Variants in PDE11A observed in about 807,000 individuals in gnomAD.
PDE11A encodes phosphodiesterase 11A.
In PDE11A, 100 loss-of-function variants were observed where a neutral mutation model predicts 100.5. That is an observed-to-expected ratio of 1.00 (90% CI 0.85 to 1.18). The LOEUF (loss-of-function observed/expected upper bound fraction) is 1.18, where lower values mean the gene tolerates loss of function less well. Ranked by LOEUF, PDE11A falls within the 50% of genes most tolerant of loss-of-function variation. PDE11A has a pLI of 0.00. For missense variants in PDE11A, 1,141 were observed against 1,152.6 expected (o/e 0.99, Z 0.15); for synonymous variants, 381 against 420.8 (o/e 0.91, Z 1.16).
At chr2:177,894,251 G>A (rs1278232602) in intron 4 of PDE11A, among the ~76,000 whole-genome samples, 3 of 152,066 alleles carry the variant, frequency 2.0e-5, no homozygotes, top group Non-Finnish European at 4.4e-5. Flanking sequence ...GCCTAGTGTT[G>A]GTAAGTTTTC....
intron 4 of PDE11A, among the ~76,000 whole-genome samples, chr2:177,883,777 T>G (rs937405161): frequency 6.6e-6 from 1 of 151,952 alleles, no homozygotes; most frequent in Admixed American, 6.6e-5. Flanking sequence ...ACTAGCAACT[T>G]TGGAAAGCAG....
chr2:177,996,472 T>C (rs2086076855), intron 2 of PDE11A, among the ~76,000 whole-genome samples: 1 of 148,816 alleles, frequency 6.7e-6, no homozygotes, highest in African/African-American at 2.5e-5. Context: ...TATATACATA[T>C]ATATATATAT....
intron 19 of PDE11A, among the ~76,000 whole-genome samples, chr2:177,661,753 G>A (rs983718657): frequency 4.6e-5 from 7 of 152,166 alleles, no homozygotes; most frequent in African/African-American, 1.7e-4. Flanking sequence ...ACAGCAGCAA[G>A]TATGAATATG....
intron 9 of PDE11A, among the ~76,000 whole-genome samples, chr2:177,815,266 GCTATGAT>G (rs1372858334): frequency 1.4e-4 from 17 of 124,590 alleles, no homozygotes; most frequent in Middle Eastern, 4.0e-3. Context: ...TAGTATTATT[GCTATGAT>G]TTTACGAATA....
intron 5 of PDE11A, among the ~76,000 whole-genome samples, chr2:177,857,276 T>C (rs2083853846): frequency 6.6e-6 from 1 of 151,962 alleles, no homozygotes; most frequent in Non-Finnish European, 1.5e-5. Context: ...CCAGTAGACC[T>C]GTCCTGTAAG....
Position 177,623,535 on chromosome 2 carries a change from C to A in PDE11A, c.*5872G>T, listed in dbSNP as rs531396755. ...AAATAAAATGGCAAAAGCAATTTCC[C>A]CCCAAGGGAATGAGACTCAACAAAA... On this transcript the variant is annotated 3_prime_UTR_variant, in exon 20 of 20. Transcript: ENST00000286063. 2 of 152,272 alleles carry A rather than the reference C, an allele frequency of 1.3e-5. No individual in the cohort carries two copies. The highest frequency in any genetic ancestry group is 4.1e-4 in the South Asian group (2 of 4,834). The allele number at this position is 152,272 out of a possible 1,614,324, so 9.4% of individuals were successfully genotyped here. A position where few individuals can be genotyped will look rare whatever the true frequency, so the allele number is the denominator to read the frequency against.
Position 177,625,567 on chromosome 2 carries a change from G to A in PDE11A, c.*3840C>T, listed in dbSNP as rs1220858768. On this transcript the variant is annotated 3_prime_UTR_variant, in exon 20 of 20. Transcript: ENST00000286063. The stretch of plus-strand genomic sequence containing the variant: ...ATGTCTGAAAAAAATACATCTCATC[G>A]AAAAAGTAGGATGAAGTTATTTCAA... 7.9e-5 allele frequency: 12 copies of A among 152,126 alleles called. No homozygotes were observed. Among genetic ancestry groups the A allele is most frequent in the Admixed American group, 6.5e-4 (10 of 15,276 alleles). 9.4% of individuals were successfully genotyped at this position (152,126 alleles called of 1,614,324 possible).
intron 1 of PDE11A, among the ~76,000 whole-genome samples, chr2:178,032,387 G>C (rs1425910187): frequency 6.6e-6 from 1 of 151,954 alleles, no homozygotes; most frequent in Non-Finnish European, 1.5e-5. Context: ...GAGAGGCTGA[G>C]GCAGGAGAAT....
At chr2:178,027,972 T>C (rs191455371) in intron 1 of PDE11A, among the ~76,000 whole-genome samples, 87 of 152,268 alleles carry the variant, frequency 5.7e-4, no homozygotes, top group Admixed American at 1.5e-3. Flanking sequence ...TTGTAAAAGA[T>C]TGCTGTGAAC....
At chr2:177,858,219 A>G (rs1223108583) in intron 5 of PDE11A, among the ~76,000 whole-genome samples, 1 of 152,100 alleles carries the variant, frequency 6.6e-6, no homozygotes, top group Non-Finnish European at 1.5e-5. Context: ...ACCAAAAGCA[A>G]TGGCAACAGA....
chr2:178,052,894 T>C (rs1444082781), intron 1 of PDE11A, among the ~76,000 whole-genome samples: 2 of 151,914 alleles, frequency 1.3e-5, no homozygotes, highest in African/African-American at 4.8e-5. Context: ...CAAAAAAAAG[T>C]CCAGGACCAG....
chr2:178,082,288 A>G (rs1030367340), intron 2 of PDE11A, among the ~76,000 whole-genome samples: 13 of 152,334 alleles, frequency 8.5e-5, no homozygotes, highest in Middle Eastern at 3.4e-3. Context: ...CTCTCAATAA[A>G]TGTTAGCCAT....
intron 2 of PDE11A, chr2:177,921,679 T>G (rs897163043): frequency 6.6e-6 from 1 of 152,158 alleles, no homozygotes; most frequent in Non-Finnish European, 1.5e-5. Context: ...ATACATATTC[T>G]TCCAGACCCA....
chr2:177,665,461 C>G (rs2080557980), intron 18 of PDE11A, among the ~76,000 whole-genome samples: 1 of 144,284 alleles, frequency 6.9e-6, no homozygotes, highest in Non-Finnish European at 1.5e-5. Context: ...GCCTAGGTGA[C>G]AGAGTGAGAC....
intron 4 of PDE11A, among the ~76,000 whole-genome samples, chr2:177,881,742 T>C (rs756496717): frequency 6.7e-6 from 1 of 150,106 alleles, no homozygotes; most frequent in Non-Finnish European, 1.5e-5. Context: ...GCCATACTTA[T>C]TAATTTAAGT....
chr2:177,909,446 G>A (rs1574270680), intron 2 of PDE11A, among the ~76,000 whole-genome samples: 2 of 152,192 alleles, frequency 1.3e-5, no homozygotes, highest in Non-Finnish European at 2.9e-5. Context: ...TATGCAGCCC[G>A]TACACTAAAT....
At chr2:178,020,923 TGGTGTGTGTG>T (rs1559044493) in intron 1 of PDE11A, among the ~76,000 whole-genome samples, 1 of 117,602 alleles carries the variant, frequency 8.5e-6, no homozygotes, top group African/African-American at 3.0e-5. Flanking sequence ...TTTTTTGTCT[TGGTGTGTGTG>T]TGTGTGTGTG....
chr2:177,996,237 AAAAAAAAGAAAAAG>A (rs2086073242), intron 2 of PDE11A, among the ~76,000 whole-genome samples: 1 of 151,970 alleles, frequency 6.6e-6, no homozygotes, highest in South Asian at 2.1e-4. Flanking sequence ...CAAATAAAAA[AAAAAAAAGAAAAAG>A]AAAAAGAAAA....
At chr2:177,994,411 A>G (rs1270445717) in intron 2 of PDE11A, among the ~76,000 whole-genome samples, 2 of 152,232 alleles carry the variant, frequency 1.3e-5, no homozygotes, top group Non-Finnish European at 2.9e-5. Context: ...TTTAATGTCC[A>G]TAATGAGCAT....
Sources: gnomAD v4.1 joint callset for allele counts (sites outside exome capture counted in the v4.1 genomes callset) on GRCh38, gnomAD v4.1.1 for gene constraint, MANE v1.5 for transcripts, NCBI Gene and HGNC (gene_info 2026-07-23, HGNC 2026-07-21) for gene names.